The following DNAAF4 variants were observed in gnomAD, a reference collection of about 807,000 sequenced individuals.
DNAAF4 encodes dynein assembly factor 4, axonemal.
DNAAF4 carries 43 observed loss-of-function variants against 51.8 expected under a neutral mutation model. The observed-to-expected ratio is 0.83, with a 90% CI of 0.65 to 1.07. DNAAF4 has a LOEUF of 1.07. DNAAF4 is among the 50% of genes least tolerant of loss of function. DNAAF4 has a pLI of 0.00. For missense variants in DNAAF4, 581 were observed against 493.0 expected, an observed-to-expected ratio of 1.18 and a Z score of -1.69; for synonymous variants, 194 against 165.6, an observed-to-expected ratio of 1.17 and a Z score of -1.32.
chr15:55,474,045 C>A (rs779416865), intron 4 of DNAAF4, among the ~76,000 whole-genome samples: 17 of 151,868 alleles, frequency 1.1e-4, no homozygotes, highest in Admixed American at 1.3e-4. Flanking sequence ...CCAGCAAAAT[C>A]ACTAAGGCAA....
At chr15:55,432,705 G>A in intron 8 of DNAAF4, 103 bp from the exon 9 acceptor site, 2 of 977,640 alleles carry the variant, frequency 2.0e-6, no homozygotes, top group South Asian at 1.8e-5. Context: ...CAACACTTGG[G>A]GAGGCCGAGG....
rs963509184 is a variant in DNAAF4, at chr15:55,431,925, A to T, written c.1153+572T>A. ...AAGCACCACACCCAGCATTTATCACACGTTTCTATGAAGAGTTGTCTGGTA... is the reference window on the plus strand; with the variant it reads ...AAGCACCACACCCAGCATTTATCACTCGTTTCTATGAAGAGTTGTCTGGTA... On this transcript the variant is annotated intron_variant, in intron 9 of 9. Transcript: ENST00000321149. Among the ~76,000 whole-genome samples the T allele has an allele frequency of 1.1e-4, 16 of 150,838 alleles. No individual in the cohort carries two copies. In the East Asian group the frequency reaches 3.1e-3, roughly 29 times the overall value.
At chr15:55,455,070 A>G (rs1472917969) in intron 5 of DNAAF4, among the ~76,000 whole-genome samples, 1 of 151,090 alleles carries the variant, frequency 6.6e-6, no homozygotes. Context: ...AACTACCAAA[A>G]TTGACTTTGG....
rs796469844 is a variant in DNAAF4, at chr15:55,473,198, A to T, written c.406-6037T>A. Among the ~76,000 whole-genome samples, 163 of 75,730 alleles carry T rather than the reference A, an allele frequency of 2.2e-3. 9 individuals carry two copies. The highest frequency in any genetic ancestry group is 5.4e-3 in the African/African-American group (100 of 18,674). The allele number at this position is 75,730 out of a possible 152,430, so 49.7% of individuals were successfully genotyped here. A position where few individuals can be genotyped will look rare whatever the true frequency, so the allele number is the denominator to read the frequency against. On this transcript the variant is annotated intron_variant, in intron 4 of 9. Coordinates refer to ENST00000321149, the MANE Select transcript of DNAAF4 (RefSeq NM_130810.4). ...ACAAAAAAAAAACCTAAAAAAAAAA[A>T]ATATATATATATATATATATATATG...
At chr15:55,434,455 G>C (rs887234520) in intron 8 of DNAAF4, among the ~76,000 whole-genome samples, 4 of 152,066 alleles carry the variant, frequency 2.6e-5, no homozygotes, top group African/African-American at 9.7e-5. Context: ...AGCTGTAGAA[G>C]TTCAAGACAT....
chr15:55,502,966 A>G (rs2058707374), intron 1 of DNAAF4, among the ~76,000 whole-genome samples: 1 of 152,224 alleles, frequency 6.6e-6, no homozygotes, highest in African/African-American at 2.4e-5. Context: ...AACCATTCAA[A>G]AAAATCAGTG....
At chr15:55,441,426 T>C (rs184867221) in intron 6 of DNAAF4, among the ~76,000 whole-genome samples, 154 of 152,286 alleles carry the variant, frequency 1.0e-3, no homozygotes, top group Non-Finnish European at 1.9e-3. Context: ...TCTTTTTTTT[T>C]ACTATACTTT....
At chr15:55,476,379 G>C (rs921055799) in intron 4 of DNAAF4, among the ~76,000 whole-genome samples, 12 of 152,022 alleles carry the variant, frequency 7.9e-5, no homozygotes, top group Non-Finnish European at 1.8e-4. Context: ...CTTGAGACCA[G>C]GAGTTTGAAG....
intron 5 of DNAAF4, among the ~76,000 whole-genome samples, chr15:55,453,548 CTTTT>C (rs1228330492): frequency 3.8e-4 from 44 of 115,668 alleles, no homozygotes; most frequent in African/African-American, 1.4e-3. Context: ...AAAAACAGTT[CTTTT>C]TTTTTTTTTT....
chr15:55,498,072 T>C, intron 2 of DNAAF4, 135 bp downstream of exon 2: 2 of 1,473,874 alleles, frequency 1.4e-6, no homozygotes, highest in Non-Finnish European at 1.8e-6. Flanking sequence ...CTGTATGGGA[T>C]TCATTTTTTT....
Position 55,498,194 on chromosome 15 carries a change from CTTGCAT to C in DNAAF4, c.123+7_123+12del. 6.2e-7 allele frequency: 1 copy of C among 1,614,046 alleles called. No homozygotes were observed. Among genetic ancestry groups the C allele is most frequent in the East Asian group, 2.2e-5 (1 of 44,860 alleles). On this transcript the variant is annotated splice_region_variant and intron_variant, in intron 2 of 9. Transcript: ENST00000321149. ...CACCCCCGGAGACCGGCAGGCAAGA[CTTGCAT>C]TCTTACCTTCAGATAGTTTTCCGTG...
In DNAAF4 at chr15:55,434,986, CTTA is replaced by C. The variant is rs575202680; in HGVS notation, c.963_965del (p.Asn321del). On this transcript the variant is annotated inframe_deletion, in exon 8 of 10. Transcript: ENST00000321149. ...CCCGGTTCAAATACAATAGTGGCAT[CTTA>C]TTATTTAGTCTTATGGCTAAATTAT... The C allele has an allele frequency of 4.0e-5, 65 of 1,613,130 alleles. 1 individual carries two copies. In the South Asian group the frequency reaches 6.1e-4, roughly 15 times the overall value.
chr15:55,506,776 T>C (rs1443481935), intron 1 of DNAAF4, among the ~76,000 whole-genome samples: 6 of 152,204 alleles, frequency 3.9e-5, no homozygotes, highest in Admixed American at 6.5e-5. Flanking sequence ...ATACATTGGA[T>C]GGATGAGTGA....
At position 55,497,879 on chromosome 15, in the gene DNAAF4, C is replaced by G. The variant is rs2058661789; in HGVS notation, c.124-20G>C. On this transcript the variant is annotated intron_variant, in intron 2 of 9. Coordinates refer to ENST00000321149, the MANE Select transcript of DNAAF4 (RefSeq NM_130810.4). ...GTTGACCTATGCAGAAGGGTGAAAA[C>G]AGAAACTAAGTTAGTTACACAAATT... 6.3e-7 allele frequency: 1 copy of G among 1,578,108 alleles called. No homozygotes were observed. Among genetic ancestry groups the G allele is most frequent in the Non-Finnish European group, 8.6e-7 (1 of 1,164,362 alleles).
chr15:55,492,999 C>A (rs998031569), intron 3 of DNAAF4, among the ~76,000 whole-genome samples: 3 of 152,096 alleles, frequency 2.0e-5, no homozygotes, highest in African/African-American at 7.2e-5. Context: ...GTTTATGTCT[C>A]CCTAAAACTC....
chr15:55,498,172 C>G (rs901655519), intron 2 of DNAAF4, 35 bp downstream of exon 2: 2 of 1,613,988 alleles, frequency 1.2e-6, no homozygotes, highest in Non-Finnish European at 1.7e-6. Flanking sequence ...CGGACCACAC[C>G]CCCGGAGACC....
chr15:55,488,712 T>G (rs2058527192), intron 4 of DNAAF4, among the ~76,000 whole-genome samples: 1 of 152,204 alleles, frequency 6.6e-6, no homozygotes, highest in Non-Finnish European at 1.5e-5. Flanking sequence ...CCTCTTAATA[T>G]AACCCGTATC....
chr15:55,429,466 T>G (rs1197896181), downstream of DNAAF4, among the ~76,000 whole-genome samples: 4 of 143,080 alleles, frequency 2.8e-5, no homozygotes, highest in East Asian at 8.2e-4. Flanking sequence ...TGCAGCGAGC[T>G]ATGATCAGGC....
At chr15:55,419,400 GGT>G (rs377523924) in intron 7 of DNAAF4, among the ~76,000 whole-genome samples, 20 of 147,896 alleles carry the variant, frequency 1.4e-4, no homozygotes, top group South Asian at 2.1e-4. Flanking sequence ...TAATTTGTGG[GGT>G]GTGTGTGTGT....
Sources: gnomAD v4.1 joint callset for allele counts (sites outside exome capture counted in the v4.1 genomes callset) on GRCh38, gnomAD v4.1.1 for gene constraint, MANE v1.5 for transcripts, NCBI Gene and HGNC (gene_info 2026-07-23, HGNC 2026-07-21) for gene names.